KAT6B: variants seen among roughly 807,000 people sequenced by gnomAD.
KAT6B encodes the protein histone acetyltransferase KAT6B.
A neutral mutation model predicts 187.5 loss-of-function variants in KAT6B; 10 were observed. The ratio of observed to expected loss-of-function variants is 0.05; its 90% CI spans 0.03 to 0.09. The LOEUF is 0.09. KAT6B is among the 10% of genes least tolerant of loss of function. The probability of loss-of-function intolerance (pLI) is 1.00; values close to 1 mark genes in which losing one functional copy is unlikely to be tolerated. For synonymous variants in KAT6B, 861 were observed against 926.8 expected (o/e 0.93, Z 1.29); for missense variants, 1,952 against 2,558.9 (o/e 0.76, Z 5.12).
intron 13 of KAT6B, among the ~76,000 whole-genome samples, chr10:75,013,998 T>G (rs1844800616): frequency 6.6e-6 from 1 of 152,248 alleles, no homozygotes; most frequent in Non-Finnish European, 1.5e-5. Context: ...AAACTCATCT[T>G]TGTTTAGTGC....
intron 3 of KAT6B, among the ~76,000 whole-genome samples, chr10:74,912,653 T>A (rs1366893864): frequency 1.3e-5 from 2 of 152,234 alleles, no homozygotes; most frequent in East Asian, 3.8e-4. Context: ...GAATACAGTT[T>A]ATAATATGAG....
chr10:74,850,594 T>C (rs960520243), intron 3 of KAT6B, among the ~76,000 whole-genome samples: 5 of 152,338 alleles, frequency 3.3e-5, no homozygotes, highest in Admixed American at 3.3e-4. Context: ...TGAGGTGATA[T>C]GGAAATGAAT....
At chr10:74,925,896 C>T (rs944412978) in intron 3 of KAT6B, among the ~76,000 whole-genome samples, 11 of 151,690 alleles carry the variant, frequency 7.3e-5, no homozygotes, top group Admixed American at 1.3e-4. Context: ...CCAGAGCAGT[C>T]GGCAGAACAG....
chr10:74,964,172 G>GT (rs995874855), intron 4 of KAT6B, among the ~76,000 whole-genome samples: 3 of 151,950 alleles, frequency 2.0e-5, no homozygotes, highest in African/African-American at 4.8e-5. Context: ...AAGATTGGGG[G>GT]TTGGGGGAAA....
rs754778615 is a variant in KAT6B, at chr10:74,989,059, T to C, written c.2576T>C (p.Met859Thr). ...CAGAAGTATAATGTCTCCTGCATAA[T>C]GATCATGCCCCAGCACCAAAGGCAA... ...CQQKYNVSCI[M>T]IMPQHQRQGF... is the part of the protein sequence containing the mutation. Residue 859 changes from methionine (M) to threonine (T), a missense_variant, in exon 13 of 18, where the codon ATG (methionine) becomes ACG (threonine). Met to Thr is a moderately conservative substitution (Grantham distance 81). Transcript: ENST00000287239. 1.2e-6 allele frequency: 2 copies of C among 1,614,112 alleles called. No homozygotes were observed. The highest frequency in any genetic ancestry group is 1.7e-5 in the Admixed American group (1 of 60,028).
At chr10:74,830,731 C>CATATATATATATATAT (rs1198969374) in intron 1 of KAT6B, among the ~76,000 whole-genome samples, 10 of 17,208 alleles carry the variant, frequency 5.8e-4, no homozygotes, top group East Asian at 1.9e-3. Flanking sequence ...CACAGCTCTT[C>CATATATATATATATAT]ATATATATAT....
chr10:74,999,798 C>G (rs1843704655), intron 13 of KAT6B, among the ~76,000 whole-genome samples: 2 of 152,158 alleles, frequency 1.3e-5, no homozygotes, highest in South Asian at 4.1e-4. Context: ...TTCAGTGCCC[C>G]AGAGAGAAAG....
At chr10:74,884,793 TC>T (rs1845114279) in intron 3 of KAT6B, among the ~76,000 whole-genome samples, 1 of 152,138 alleles carries the variant, frequency 6.6e-6, no homozygotes, top group African/African-American at 2.4e-5. Flanking sequence ...GGTCTCGAAT[TC>T]CTGACCTCAA....
intron 10 of KAT6B, among the ~76,000 whole-genome samples, chr10:74,981,375 T>A (rs551646240): frequency 6.6e-5 from 10 of 151,864 alleles, no homozygotes; most frequent in Admixed American, 2.0e-4. Context: ...CTTTCTTTCC[T>A]TTCTTTCTTT....
At chr10:74,853,292 T>G (rs1842602772) in intron 3 of KAT6B, among the ~76,000 whole-genome samples, 1 of 151,486 alleles carries the variant, frequency 6.6e-6, no homozygotes, top group African/African-American at 2.4e-5. Context: ...TGGCTAATTT[T>G]TTTTTTTCTT....
At chr10:74,996,901 T>C (rs371691839) in intron 13 of KAT6B, among the ~76,000 whole-genome samples, 16 of 151,642 alleles carry the variant, frequency 1.1e-4, no homozygotes, top group African/African-American at 2.7e-4. Flanking sequence ...TATAAAAATA[T>C]AGAACTTCTA....
chr10:74,979,379 A>C, intron 10 of KAT6B, 40 bp downstream of exon 10: 41 of 1,327,256 alleles, frequency 3.1e-5, no homozygotes, highest in Non-Finnish European at 3.9e-5. Flanking sequence ...CTTGAATGTC[A>C]CATATGTGAG....
At position 74,895,016 on chromosome 10, in the gene KAT6B, G is replaced by T. The variant is rs528189607; in HGVS notation, c.621+51538G>T. 1.3e-4 allele frequency among the ~76,000 whole-genome samples: 20 copies of T among 151,236 alleles called. No individual in the cohort carries two copies. In the East Asian group the frequency reaches 3.7e-3, roughly 28 times the overall value. On this transcript the variant is annotated intron_variant, in intron 3 of 17. Coordinates refer to ENST00000287239, the MANE Select transcript of KAT6B (RefSeq NM_012330.4). ...GCTACGCCATTTTACATTCCCACCA[G>T]CAGTGCACAGAGATTACCATTGCTT...
intron 3 of KAT6B, among the ~76,000 whole-genome samples, chr10:74,892,166 G>A (rs903906872): frequency 2.0e-5 from 3 of 152,158 alleles, no homozygotes; most frequent in African/African-American, 7.2e-5. Context: ...CCAGGAGTTC[G>A]AGACCAGCCT....
intron 3 of KAT6B, among the ~76,000 whole-genome samples, chr10:74,911,684 T>C (rs1450741449): frequency 2.0e-5 from 3 of 152,196 alleles, no homozygotes; most frequent in African/African-American, 4.8e-5. Flanking sequence ...ATTAATACTT[T>C]GTAATATTTG....
At chr10:74,978,338 C>G (rs1349368181) in intron 9 of KAT6B, among the ~76,000 whole-genome samples, 1 of 152,110 alleles carries the variant, frequency 6.6e-6, no homozygotes, top group African/African-American at 2.4e-5. Flanking sequence ...TGAACCAGCC[C>G]AGGTTGGAAA....
intron 3 of KAT6B, among the ~76,000 whole-genome samples, chr10:74,959,300 AC>A (rs1409535379): frequency 6.6e-6 from 1 of 152,226 alleles, no homozygotes; most frequent in Non-Finnish European, 1.5e-5. Flanking sequence ...TAAAGTCTTA[AC>A]AGTCTATACA....
chr10:74,898,656 T>G (rs1195447834), intron 3 of KAT6B, among the ~76,000 whole-genome samples: 1 of 152,250 alleles, frequency 6.6e-6, no homozygotes, highest in East Asian at 1.9e-4. Flanking sequence ...GGCCAGTCAG[T>G]GACAGAGAAA....
chr10:74,947,288 G>A (rs564248848), intron 3 of KAT6B, among the ~76,000 whole-genome samples: 4 of 152,044 alleles, frequency 2.6e-5, no homozygotes, highest in Admixed American at 6.6e-5. Context: ...CACCGCTCCC[G>A]GCTGAAAAAA....
Sources: allele counts gnomAD v4.1 joint callset (sites outside exome capture counted in the v4.1 genomes callset), GRCh38; gene constraint gnomAD v4.1.1; transcripts MANE v1.5; gene names NCBI Gene and HGNC (gene_info 2026-07-23, HGNC 2026-07-21).